Variants in KIF7 observed in about 807,000 individuals in gnomAD.
KIF7 encodes the protein kinesin-like protein KIF7.
KIF7 carries 104 observed loss-of-function variants against 135.7 expected under a neutral mutation model. The observed-to-expected ratio is 0.77, with a 90% confidence interval of 0.65 to 0.90. The LOEUF is 0.90. Ranked by LOEUF, KIF7 falls within the 40% of genes least tolerant of loss-of-function variation. The probability of loss-of-function intolerance (pLI) is 0.00; values close to 1 mark genes in which losing one functional copy is unlikely to be tolerated. For synonymous variants in KIF7, 883 were observed against 809.4 expected, an observed-to-expected ratio of 1.09 and a Z score of -1.54; for missense variants, 2,005 against 1,839.1, an observed-to-expected ratio of 1.09 and a Z score of -1.65.
At chr15:89,647,177 A>G in intron 6 of KIF7, 120 bp from the exon 7 acceptor site, 1 of 834,726 alleles carries the variant, frequency 1.2e-6, no homozygotes, top group Non-Finnish European at 2.0e-6. Context: ...GAGGAGTGTC[A>G]AATACTCCTC....
chr15:89,655,544 G>A (rs1206829544), upstream of KIF7: 4 of 152,078 alleles, frequency 2.6e-5, no homozygotes, highest in Non-Finnish European at 5.9e-5. Context: ...GCTCGGGGGC[G>A]GAGGCGCGAG....
In KIF7 at chr15:89,652,900, C is replaced by A. The variant is rs1596081007; in HGVS notation, c.31G>T (p.Ala11Ser). Residue 11 changes from alanine to serine, a missense_variant, in exon 2 of 19, where the codon GCT (alanine) becomes TCT (serine). Physicochemically the swap from Ala to Ser is moderately conservative, Grantham distance 99. Transcript: ENST00000394412. MGLEAQRLPG[A>S]EEAPVRVALR... ...GCAACCCGCACTGGGGCCTCCTCAG[C>A]CCCTGGCAGCCTCTGAGCCTCCAGC... 6.5e-7 allele frequency: 1 copy of A among 1,530,774 alleles called. No individual in the cohort carries two copies. Among genetic ancestry groups the A allele is most frequent in the South Asian group, 1.2e-5 (1 of 83,246 alleles). 94.8% of individuals were successfully genotyped at this position (1,530,774 alleles called of 1,614,324 possible). A position where few individuals can be genotyped will look rare whatever the true frequency, so the allele number is the denominator to read the frequency against.
intron 15 of KIF7, 151 bp downstream of exon 15, chr15:89,631,344 T>TCCCCAGCCCC (rs1192871006): frequency 1.4e-6 from 1 of 711,298 alleles, no homozygotes; most frequent in Admixed American, 2.7e-5. Context: ...AGGCCAGCCC[T>TCCCCAGCCCC]CCCCAGCCCC....
At chr15:89,633,025 A>AGGGAGGGAGG (rs1555423475) in intron 13 of KIF7, 29 bp from the exon 14 acceptor site, 19 of 1,585,838 alleles carry the variant, frequency 1.2e-5, no homozygotes, top group Middle Eastern at 1.7e-4. Context: ...GGAGGGAGGG[A>AGGGAGGGAGG]ACTCAGGGCC....
At chr15:89,642,834 C>T (rs937330981) in intron 10 of KIF7, among the ~76,000 whole-genome samples, 1 of 152,156 alleles carries the variant, frequency 6.6e-6, no homozygotes, top group Non-Finnish European at 1.5e-5. Flanking sequence ...CTCCCAAAGT[C>T]CTGGGATTAC....
Position 89,645,016 on chromosome 15 carries a change from T to A in KIF7, c.2188A>T (p.Thr730Ser), listed in dbSNP as rs1207873989. The A allele has an allele frequency of 6.2e-7, 1 of 1,608,084 alleles. No homozygotes were observed. The highest frequency in any genetic ancestry group is 1.7e-5 in the Admixed American group (1 of 60,034). The change falls in exon 10 of 19, where the codon ACA (threonine) becomes TCA (serine). Residue 730 changes from threonine to serine, a missense_variant. By Grantham distance (58) the Thr-to-Ser change is moderately conservative. Coordinates refer to ENST00000394412, the MANE Select transcript of KIF7 (RefSeq NM_198525.3). The stretch of plus-strand genomic sequence containing the variant: ...CCACCTGATGCCCACGCCTCACCTG[T>A]GCGGACCAGCTCGCCAATAAGCTCC... ...KEELIGELVR[T>S]GKAAQALNRQ...
At chr15:89,620,394 G>C (rs1189665043) in intron 1 of KIF7, among the ~76,000 whole-genome samples, 1 of 151,822 alleles carries the variant, frequency 6.6e-6, no homozygotes, top group Non-Finnish European at 1.5e-5. Flanking sequence ...TTTTAGTAAA[G>C]ACTGGGTTTC....
At chr15:89,660,527 G>C in the KIF7 span, among the ~76,000 whole-genome samples, 1 of 152,276 alleles carries the variant, frequency 6.6e-6, no homozygotes, top group African/African-American at 2.4e-5. Context: ...AGCTATCTTG[G>C]CTCATGAGGT....
the KIF7 span, among the ~76,000 whole-genome samples, chr15:89,662,027 T>C: frequency 2.0e-5 from 3 of 151,926 alleles, no homozygotes; most frequent in Non-Finnish European, 4.4e-5. Context: ...AGCCACCTAA[T>C]CAACATTTAA....
At position 89,632,830 on chromosome 15, in the gene KIF7, C is replaced by G. The variant is rs1406326426; in HGVS notation, c.2885G>C (p.Arg962Thr). Reference sequence around the variant, plus strand: ...CTGGCAGGGCCTCACCTGGCTGGATCTCAGGCGCTTGCTCTCCAGCCCCGT... The same window carrying G: ...CTGGCAGGGCCTCACCTGGCTGGATGTCAGGCGCTTGCTCTCCAGCCCCGT... ...EKTGLESKRLRSSQALNEDIV... is the reference protein window; with the variant it reads ...EKTGLESKRLTSSQALNEDIV... Residue 962 changes from arginine (R) to threonine (T), a missense_variant, in exon 14 of 19, where the codon AGA becomes ACA. Coordinates refer to ENST00000394412, the MANE Select transcript of KIF7 (RefSeq NM_198525.3). 1 of 1,605,956 alleles carries G rather than the reference C, an allele frequency of 6.2e-7. No individual in the cohort carries two copies. Among genetic ancestry groups the G allele is most frequent in the East Asian group, 2.2e-5 (1 of 44,862 alleles).
chr15:89,620,734 G>T (rs1963409998), intron 1 of KIF7, among the ~76,000 whole-genome samples: 1 of 150,394 alleles, frequency 6.6e-6, no homozygotes. Context: ...TTGTTTGTTT[G>T]TTTTTTGAGA....
rs528572567 is a variant in KIF7, at chr15:89,630,208, C to T, written c.3318+79G>A. ...CCAGTCTGGGAGGAAACGGGATATC[C>T]GCTGGAGCAGCTGCCATGAGACACC... On this transcript the variant is annotated intron_variant, in intron 16 of 18. Transcript: ENST00000394412. 6.5e-4 allele frequency: 879 copies of T among 1,351,640 alleles called. 7 individuals carry two copies. The highest frequency in any genetic ancestry group is 3.3e-4 in the South Asian group (27 of 82,594). The allele number at this position is 1,351,640 out of a possible 1,614,324, so 83.7% of individuals were successfully genotyped here.
At chr15:89,618,160 A>T in exon 2 of KIF7, 3 of 1,614,134 alleles carry the variant, frequency 1.9e-6, no homozygotes, top group Non-Finnish European at 2.5e-6. Flanking sequence ...AGGTCCTCTG[A>T]TCCTGGTCCT....
chr15:89,634,888 A>G (rs556601700), intron 11 of KIF7, among the ~76,000 whole-genome samples: 357 of 152,298 alleles, frequency 2.3e-3, no homozygotes, highest in African/African-American at 7.9e-3. Context: ...ACAGACAAAC[A>G]AAAAGACAGC....
chr15:89,621,088 C>T lies in KIF7; in HGVS notation c.181-2893G>A, dbSNP rs1024897423. Among the ~76,000 whole-genome samples the T allele has an allele frequency of 8.0e-5, 12 of 149,806 alleles. No individual in the cohort carries two copies. In the South Asian group the frequency reaches 1.1e-3, roughly 13 times the overall value. Reference sequence around the variant, plus strand: ...AGGCTGGAGTGCAATGGTGCAATGTCGTCTCACTGCAACCTCCACCTCCTG... The same window carrying T: ...AGGCTGGAGTGCAATGGTGCAATGTTGTCTCACTGCAACCTCCACCTCCTG... On this transcript the variant is annotated intron_variant and NMD_transcript_variant, in intron 1 of 2. Transcript: ENST00000558928.
upstream of KIF7, among the ~76,000 whole-genome samples, chr15:89,656,614 C>T (rs1419432628): frequency 6.6e-6 from 1 of 152,166 alleles, no homozygotes; most frequent in Non-Finnish European, 1.5e-5. Flanking sequence ...ACAACCACAT[C>T]CTCGAAGCTT....
At position 89,630,394 on chromosome 15, in the gene KIF7, G is replaced by A. The variant is rs570460369; in HGVS notation, c.3211C>T (p.Arg1071Trp). Residue 1071 changes from arginine to tryptophan, a missense_variant, in exon 16 of 19, where the codon CGG becomes TGG. Arg to Trp is a moderately radical substitution (Grantham distance 101, BLOSUM62 -3). Transcript: ENST00000394412. ...TGGGACAGCAACGAGGCTGAGGCCC[G>A]AAGCACCCGCTGGCGGCATGTGATG... ...EAITCRQRVL[R>W]ASASLLSQCE... 1.6e-5 allele frequency: 26 copies of A among 1,613,386 alleles called. No individual in the cohort carries two copies. Among genetic ancestry groups the A allele is most frequent in the Admixed American group, 5.0e-5 (3 of 59,910 alleles).
At chr15:89,643,615 G>A (rs1324455130) in intron 10 of KIF7, among the ~76,000 whole-genome samples, 4 of 152,166 alleles carry the variant, frequency 2.6e-5, no homozygotes, top group East Asian at 3.8e-4. Context: ...TGCCGGGTGC[G>A]GTGGCTCACG....
the KIF7 span, among the ~76,000 whole-genome samples, chr15:89,661,285 A>G: frequency 6.6e-6 from 1 of 152,234 alleles, no homozygotes; most frequent in Non-Finnish European, 1.5e-5. Flanking sequence ...CATAATTTTG[A>G]GTGAAAAGAA....
Sources: gnomAD v4.1 joint callset for allele counts (sites outside exome capture counted in the v4.1 genomes callset) on GRCh38, gnomAD v4.1.1 for gene constraint, MANE v1.5 for transcripts, NCBI Gene and HGNC (gene_info 2026-07-23, HGNC 2026-07-21) for gene names.